Variants in GLIS1 observed in about 807,000 individuals in gnomAD.
GLIS1 encodes zinc finger protein GLIS1.
In GLIS1, 24 loss-of-function variants were observed where a neutral mutation model predicts 63.8. The ratio of observed to expected loss-of-function variants is 0.38; its 90% CI spans 0.27 to 0.53. The LOEUF is 0.53. Among genes scored for constraint, GLIS1 ranks in the 20% least tolerant of loss-of-function variants. The probability of loss-of-function intolerance (pLI) is 0.85; values close to 1 mark genes in which losing one functional copy is unlikely to be tolerated. For missense variants in GLIS1, 1,036 were observed against 1,074.1 expected, an observed-to-expected ratio of 0.96 and a Z score of 0.50; for synonymous variants, 450 against 482.5, an observed-to-expected ratio of 0.93 and a Z score of 0.88.
chr1:53,647,924 C>T (rs1645863793), intron 2 of GLIS1, among the ~76,000 whole-genome samples: 1 of 152,180 alleles, frequency 6.6e-6, no homozygotes, highest in Non-Finnish European at 1.5e-5. Context: ...GTAATCCCAG[C>T]ATTTTGGGAG....
At chr1:53,554,382 C>T (rs1247215236) in intron 4 of GLIS1, among the ~76,000 whole-genome samples, 1 of 152,062 alleles carries the variant, frequency 6.6e-6, no homozygotes, top group Non-Finnish European at 1.5e-5. Flanking sequence ...CCACCACAGC[C>T]CTAGGGGGTG....
chr1:53,714,232 T>C (rs1646675010), intron 2 of GLIS1, among the ~76,000 whole-genome samples: 1 of 152,134 alleles, frequency 6.6e-6, no homozygotes, highest in African/African-American at 2.4e-5. Context: ...CTCAGCTCCT[T>C]CAGCTGCAAA....
In GLIS1 at chr1:53,562,918, C is replaced by T. The variant is rs188439897; in HGVS notation, c.1320+31190G>A. ...TTATTTCCTATGATTTTTACAATGA[C>T]GTGTAGAGTAGCTATCATTGGTGAC... On this transcript the variant is annotated intron_variant, in intron 4 of 10. Transcript: ENST00000628545. 1.4e-4 allele frequency among the ~76,000 whole-genome samples: 21 copies of T among 152,286 alleles called. No individual in the cohort carries two copies. In the East Asian group the frequency reaches 2.7e-3, roughly 20 times the overall value.
At chr1:53,600,508 G>A (rs1203907256) in intron 2 of GLIS1, among the ~76,000 whole-genome samples, 4 of 152,110 alleles carry the variant, frequency 2.6e-5, no homozygotes, top group Non-Finnish European at 4.4e-5. Context: ...CTAGGTCTCC[G>A]GTGGTTAAAT....
intron 2 of GLIS1, among the ~76,000 whole-genome samples, chr1:53,691,811 C>T (rs995936036): frequency 3.9e-5 from 6 of 152,168 alleles, no homozygotes; most frequent in South Asian, 4.1e-4. Context: ...CCTCCTACCC[C>T]CACTCCAACC....
intron 3 of GLIS1, 51 bp downstream of exon 3, chr1:53,600,050 G>A (rs773863021): frequency 5.8e-4 from 618 of 1,070,180 alleles, no homozygotes; most frequent in Non-Finnish European, 7.0e-4. Context: ...TGAGGCCCAT[G>A]GTCCTGGGGC....
intron 2 of GLIS1, among the ~76,000 whole-genome samples, chr1:53,633,522 A>G (rs970612351): frequency 6.6e-6 from 1 of 151,042 alleles, no homozygotes; most frequent in Admixed American, 6.6e-5. Flanking sequence ...GTGTGACTGA[A>G]GTGCGTGTGA....
chr1:53,702,130 G>A (rs1188234826), intron 2 of GLIS1, among the ~76,000 whole-genome samples: 1 of 151,886 alleles, frequency 6.6e-6, no homozygotes, highest in Non-Finnish European at 1.5e-5. Flanking sequence ...ATTTGCCCAT[G>A]TAGGTGACTT....
intron 2 of GLIS1, among the ~76,000 whole-genome samples, chr1:53,693,843 C>T (rs1646435171): frequency 6.6e-6 from 1 of 152,234 alleles, no homozygotes; most frequent in Admixed American, 6.5e-5. Context: ...CTTACCTAAC[C>T]CTCCAGATGG....
intron 2 of GLIS1, among the ~76,000 whole-genome samples, chr1:53,604,633 ATAGGGCACTGCACT>A: frequency 6.6e-6 from 1 of 152,120 alleles, no homozygotes. Context: ...TGGGCTGGTG[ATAGGGCACTGCACT>A]TTACAGTTTA....
At position 53,689,840 on chromosome 1, in the gene GLIS1, C is replaced by T. The variant is rs1646382532; in HGVS notation, c.259+47966G>A. Among the ~76,000 whole-genome samples the T allele has an allele frequency of 2.0e-5, 3 of 152,178 alleles. No individual in the cohort carries two copies. The South Asian group carries it at 6.2e-4, about 32-fold the overall frequency. On this transcript the variant is annotated intron_variant, in intron 2 of 10. Transcript: ENST00000628545. ...GCAGATGAGGTCCTAGGAGCTCAGC[C>T]TGGCCCTCAGGCCCCTGGCCCTCAC...
chr1:53,667,770 T>C (rs1179155026), intron 2 of GLIS1, among the ~76,000 whole-genome samples: 2 of 152,182 alleles, frequency 1.3e-5, no homozygotes, highest in Non-Finnish European at 2.9e-5. Flanking sequence ...GAAAGGTGCA[T>C]TAAGCCTCTT....
intron 7 of GLIS1, among the ~76,000 whole-genome samples, chr1:53,518,529 G>C (rs1033297934): frequency 3.3e-5 from 5 of 152,146 alleles, no homozygotes; most frequent in African/African-American, 7.2e-5. Flanking sequence ...AGTCACATAG[G>C]GTTTATGTAA....
chr1:53,527,309 G>C (rs1225721437), intron 5 of GLIS1, among the ~76,000 whole-genome samples: 2 of 152,214 alleles, frequency 1.3e-5, no homozygotes, highest in African/African-American at 4.8e-5. Context: ...CCGCTCAGGG[G>C]ATCTGTGCAC....
At chr1:53,674,868 G>A (rs935151598) in intron 2 of GLIS1, among the ~76,000 whole-genome samples, 10 of 152,202 alleles carry the variant, frequency 6.6e-5, no homozygotes, top group African/African-American at 2.2e-4. Flanking sequence ...GGCAAGACTG[G>A]CCTGAGGTCA....
intron 2 of GLIS1, among the ~76,000 whole-genome samples, chr1:53,655,485 T>G (rs930867216): frequency 2.0e-5 from 3 of 152,202 alleles, no homozygotes; most frequent in African/African-American, 7.2e-5. Flanking sequence ...AAAAACCACA[T>G]ATCTCATACA....
At chr1:53,644,724 G>T (rs34224859) in intron 2 of GLIS1, among the ~76,000 whole-genome samples, 364 of 152,244 alleles carry the variant, frequency 2.4e-3, no homozygotes, top group Middle Eastern at 0.014. Context: ...TAGAAGGAAA[G>T]AATTAAACGG....
At chr1:53,524,693 C>T (rs993135074) in intron 6 of GLIS1, 84 bp downstream of exon 6, 20 of 892,208 alleles carry the variant, frequency 2.2e-5, no homozygotes, top group Middle Eastern at 2.2e-4. Context: ...TGGGCAGATG[C>T]ATGTGTTGAG....
chr1:53,680,255 GAGACTTCC>G (rs1364504489), intron 2 of GLIS1, among the ~76,000 whole-genome samples: 1 of 152,194 alleles, frequency 6.6e-6, no homozygotes, highest in African/African-American at 2.4e-5. Context: ...GGCAAGGAGG[GAGACTTCC>G]ATCACATAAG....
Sources: allele counts gnomAD v4.1 joint callset (sites outside exome capture counted in the v4.1 genomes callset), GRCh38; gene constraint gnomAD v4.1.1; transcripts MANE v1.5; gene names NCBI Gene and HGNC (gene_info 2026-07-23, HGNC 2026-07-21).